Variants in CNOT10 observed in about 807,000 individuals in gnomAD.
The protein encoded by CNOT10 is CCR4-NOT transcription complex subunit 10, also known as CCR4-NOT transcription complex, subunit 10.
A neutral mutation model predicts 94.6 loss-of-function variants in CNOT10; 30 were observed. That is an observed-to-expected ratio of 0.32 (90% CI 0.24 to 0.43). CNOT10 has a LOEUF of 0.43. CNOT10 is among the 20% of genes least tolerant of loss of function. The pLI is 1.00. For synonymous variants in CNOT10, 289 were observed against 301.6 expected, an observed-to-expected ratio of 0.96 and a Z score of 0.43; for missense variants, 759 against 877.2, an observed-to-expected ratio of 0.87 and a Z score of 1.70.
At chr3:32,715,089 T>A (rs1698059809) in intron 5 of CNOT10, among the ~76,000 whole-genome samples, 1 of 152,224 alleles carries the variant, frequency 6.6e-6, no homozygotes, top group Admixed American at 6.5e-5. Flanking sequence ...TAATTTAATT[T>A]AGCAGATGCT....
At chr3:32,699,829 G>A (rs1164683172) in intron 1 of CNOT10, among the ~76,000 whole-genome samples, 1 of 152,086 alleles carries the variant, frequency 6.6e-6, no homozygotes, top group East Asian at 1.9e-4. Context: ...TGTGATTCTT[G>A]ACAACTTTCT....
At position 32,713,321 on chromosome 3, in the gene CNOT10, A is replaced by G; in HGVS notation, c.525A>G (p.Leu175=). ...AAGCTTTGCATCTTCTTGCTGTCCT[A>G]GAAAAAATGATTTCACAGGGTAACA... ...AEKALHLLAV[L]EKMISQGNNN... is the part of the protein sequence containing the mutation. The change falls in exon 5 of 19, where the codon CTA becomes CTG. Residue 175 remains leucine, a synonymous_variant. Transcript: ENST00000328834. The G allele has an allele frequency of 6.2e-7, 1 of 1,605,706 alleles. No homozygotes were observed. Among genetic ancestry groups the G allele is most frequent in the Non-Finnish European group, 8.5e-7 (1 of 1,177,854 alleles).
chr3:32,724,485 T>A (rs1187065887), intron 8 of CNOT10, among the ~76,000 whole-genome samples: 1 of 151,100 alleles, frequency 6.6e-6, no homozygotes, highest in Non-Finnish European at 1.5e-5. Context: ...CGATCTCGGC[T>A]TACTGCAAGC....
intron 8 of CNOT10, among the ~76,000 whole-genome samples, chr3:32,721,992 C>T (rs1239721651): frequency 2.6e-5 from 4 of 152,108 alleles, no homozygotes; most frequent in Non-Finnish European, 5.9e-5. Flanking sequence ...AAAAGTCTTA[C>T]AAATCCTTTG....
At position 32,742,703 on chromosome 3, in the gene CNOT10, T is replaced by C. The variant is rs982951859; in HGVS notation, c.1595+5213T>C. On this transcript the variant is annotated intron_variant, in intron 13 of 18. Transcript: ENST00000328834. Reference sequence around the variant, plus strand: ...GTCCTTTACCAGTAATTTTGTAGTCTGTAAACTGCTCTGTACCTTACTTTG... The same window carrying C: ...GTCCTTTACCAGTAATTTTGTAGTCCGTAAACTGCTCTGTACCTTACTTTG... Among the ~76,000 whole-genome samples, 3 of 152,210 alleles carry C rather than the reference T, an allele frequency of 2.0e-5. No individual in the cohort carries two copies. In the East Asian group the frequency reaches 5.8e-4, roughly 29 times the overall value.
intron 13 of CNOT10, among the ~76,000 whole-genome samples, chr3:32,738,507 G>A (rs1699295017): frequency 6.7e-6 from 1 of 148,964 alleles, no homozygotes; most frequent in Admixed American, 6.8e-5. Flanking sequence ...CTGTCTCCCA[G>A]GCTGGAGTGC....
At chr3:32,721,647 CTTT>C (rs746767255) in intron 8 of CNOT10, among the ~76,000 whole-genome samples, 9 of 131,570 alleles carry the variant, frequency 6.8e-5, no homozygotes, top group African/African-American at 5.5e-5. Context: ...ATTACATATT[CTTT>C]TTTTTTTTTT....
chr3:32,709,414 T>C (rs893017922), intron 4 of CNOT10, among the ~76,000 whole-genome samples: 1 of 152,192 alleles, frequency 6.6e-6, no homozygotes, highest in African/African-American at 2.4e-5. Context: ...TGAGTTACAT[T>C]TTTGTCTTTT....
chr3:32,769,778 G>A (rs530651646), intron 17 of CNOT10, 109 bp from the exon 18 acceptor site: 19 of 826,268 alleles, frequency 2.3e-5, no homozygotes, highest in South Asian at 5.6e-5. Flanking sequence ...AGGAAGTCAC[G>A]TGGGAATGAG....
In CNOT10 at chr3:32,733,699, A is replaced by G. The variant is rs1029838661; in HGVS notation, c.1337+155A>G. Reference sequence around the variant, plus strand: ...TATTTCAACAAACAGACCCTCATGTATAGGTCCATAGTGAATGTTATCTAA... The same window carrying G: ...TATTTCAACAAACAGACCCTCATGTGTAGGTCCATAGTGAATGTTATCTAA... On this transcript the variant is annotated intron_variant, in intron 11 of 18. Coordinates refer to ENST00000328834, the MANE Select transcript of CNOT10 (RefSeq NM_015442.3). Among the ~76,000 whole-genome samples, 4 of 152,324 alleles carry G rather than the reference A, an allele frequency of 2.6e-5. No individual in the cohort carries two copies. The Middle Eastern group carries it at 0.014, about 518-fold the overall frequency.
At chr3:32,691,453 T>A (rs1026309010) in intron 1 of CNOT10, among the ~76,000 whole-genome samples, 1 of 152,012 alleles carries the variant, frequency 6.6e-6, no homozygotes. Flanking sequence ...TGAGCCACTG[T>A]GCCTGGCCAT....
intron 1 of CNOT10, chr3:32,695,779 T>C (rs1697022656): frequency 1.3e-6 from 2 of 1,535,826 alleles, no homozygotes. Context: ...CGGAGACTAC[T>C]TTTGGGCAAA....
At chr3:32,770,005 C>T in intron 18 of CNOT10, 43 bp downstream of exon 18, 2 of 1,520,878 alleles carry the variant, frequency 1.3e-6, no homozygotes, top group Non-Finnish European at 1.8e-6. Flanking sequence ...CTTGAAAGAG[C>T]CTGAGATTTT....
At chr3:32,741,649 G>A (rs1699468936) in intron 13 of CNOT10, among the ~76,000 whole-genome samples, 1 of 151,822 alleles carries the variant, frequency 6.6e-6, no homozygotes, top group Non-Finnish European at 1.5e-5. Context: ...TGCACCTGTA[G>A]TCCCAGCTAC....
rs367684402 is a variant in CNOT10 at position 32,769,580 on chromosome 3, G to C, written c.2005-307G>C. 5.2e-5 allele frequency: 14 copies of C among 269,238 alleles called. No individual in the cohort carries two copies. In the South Asian group the frequency reaches 8.7e-4, roughly 17 times the overall value. The allele number at this position is 269,238 out of a possible 1,614,324, so 16.7% of individuals were successfully genotyped here. ...ACTTAGGAAAACAAATGGGCATGCA[G>C]ATTTTGATGTAATTGCAACTGTATG... On this transcript the variant is annotated intron_variant, in intron 17 of 18. Coordinates refer to ENST00000328834, the MANE Select transcript of CNOT10 (RefSeq NM_015442.3).
chr3:32,717,353 C>G (rs1698168657), intron 7 of CNOT10, 116 bp downstream of exon 7: 1 of 552,070 alleles, frequency 1.8e-6, no homozygotes, highest in African/African-American at 2.0e-5. Flanking sequence ...AGATATGAAC[C>G]TTGCTATTTT....
At chr3:32,768,878 A>G (rs1347582208) in intron 17 of CNOT10, 2 of 152,172 alleles carry the variant, frequency 1.3e-5, no homozygotes, top group African/African-American at 4.8e-5. Context: ...TACCTTCAGT[A>G]CCATTTCTCC....
intron 1 of CNOT10, among the ~76,000 whole-genome samples, chr3:32,689,058 A>G (rs1696745436): frequency 6.6e-6 from 1 of 152,112 alleles, no homozygotes; most frequent in African/African-American, 2.4e-5. Context: ...CAAAAAAATT[A>G]GCAGGGCCTG....
At chr3:32,709,226 G>A (rs941624761) in intron 4 of CNOT10, among the ~76,000 whole-genome samples, 1 of 152,138 alleles carries the variant, frequency 6.6e-6, no homozygotes, top group African/African-American at 2.4e-5. Flanking sequence ...TATGGAGTAG[G>A]AAGTATAGAA....
Sources: allele counts gnomAD v4.1 joint callset (sites outside exome capture counted in the v4.1 genomes callset), GRCh38; gene constraint gnomAD v4.1.1; transcripts MANE v1.5; gene names NCBI Gene and HGNC (gene_info 2026-07-23, HGNC 2026-07-21).